The following RPS6KC1 variants were observed in gnomAD, a reference collection of about 807,000 sequenced individuals.
The protein encoded by RPS6KC1 is ribosomal protein S6 kinase C1, also known as inactive ribosomal protein S6 kinase delta-1.
RPS6KC1 carries 54 observed loss-of-function variants against 103.8 expected under a neutral mutation model. The observed-to-expected ratio is 0.52, with a 90% CI of 0.42 to 0.65. The LOEUF is 0.65. Ranked by LOEUF, RPS6KC1 falls within the 30% of genes least tolerant of loss-of-function variation. The pLI is 0.00. For synonymous variants in RPS6KC1, 439 were observed against 438.7 expected (o/e 1.00, Z -0.01); for missense variants, 1,151 against 1,253.8 (o/e 0.92, Z 1.24).
chr1:213,677,177 T>A, the RPS6KC1 span, among the ~76,000 whole-genome samples: 8 of 152,330 alleles, frequency 5.3e-5, no homozygotes, highest in African/African-American at 1.9e-4. Flanking sequence ...GCCTTCTCCA[T>A]CCCTAAGAGC....
At chr1:213,547,459 G>A in the RPS6KC1 span, among the ~76,000 whole-genome samples, 14 of 152,302 alleles carry the variant, frequency 9.2e-5, no homozygotes, top group Admixed American at 3.3e-4. Context: ...ACCATTTGAC[G>A]TTATCTAGCA....
At chr1:213,051,657 G>T (rs980981103) in intron 1 of RPS6KC1, 148 bp downstream of exon 1, 33 of 618,798 alleles carry the variant, frequency 5.3e-5, no homozygotes, top group East Asian at 2.8e-4. Flanking sequence ...GGTGTCGGAG[G>T]TTGGGATTTT....
chr1:213,568,894 G>A, the RPS6KC1 span, among the ~76,000 whole-genome samples: 1 of 152,212 alleles, frequency 6.6e-6, no homozygotes, highest in Non-Finnish European at 1.5e-5. Context: ...GGCAGACTCT[G>A]CAAATTGTCA....
chr1:213,301,889 C>A, the RPS6KC1 span, among the ~76,000 whole-genome samples: 1 of 151,878 alleles, frequency 6.6e-6, no homozygotes, highest in East Asian at 1.9e-4. Flanking sequence ...GTGTGCACCA[C>A]CACCCCCAGC....
At chr1:213,791,561 T>C in the RPS6KC1 span, among the ~76,000 whole-genome samples, 11 of 152,206 alleles carry the variant, frequency 7.2e-5, no homozygotes, top group South Asian at 2.1e-4. Context: ...GTAATGAAAA[T>C]ATAAGACTGC....
intron 6 of RPS6KC1, among the ~76,000 whole-genome samples, chr1:213,136,842 G>A (rs1454074102): frequency 6.6e-6 from 1 of 152,090 alleles, no homozygotes. Context: ...TAACAGTGTT[G>A]AGTGCAAGAG....
chr1:213,725,923 A>C, the RPS6KC1 span, among the ~76,000 whole-genome samples: 6 of 151,968 alleles, frequency 3.9e-5, no homozygotes, highest in Non-Finnish European at 8.8e-5. Flanking sequence ...CTTTTACTTT[A>C]TTGTGTTACA....
the RPS6KC1 span, among the ~76,000 whole-genome samples, chr1:213,761,733 G>A: frequency 6.6e-6 from 1 of 152,170 alleles, no homozygotes; most frequent in South Asian, 2.1e-4. Flanking sequence ...AGTTTTTCAA[G>A]TGTGTAGAAA....
the RPS6KC1 span, among the ~76,000 whole-genome samples, chr1:213,845,137 G>C: frequency 6.6e-6 from 1 of 151,568 alleles, no homozygotes; most frequent in Non-Finnish European, 1.5e-5. Context: ...AAAATAGCTA[G>C]GAATTTAGAG....
the RPS6KC1 span, among the ~76,000 whole-genome samples, chr1:213,416,546 T>C: frequency 2.0e-5 from 3 of 152,108 alleles, no homozygotes; most frequent in Non-Finnish European, 4.4e-5. Context: ...ACTGGGGTGG[T>C]AAGCCGGGGC....
chr1:213,062,054 C>CT (rs566492564), intron 1 of RPS6KC1, among the ~76,000 whole-genome samples: 18 of 151,092 alleles, frequency 1.2e-4, no homozygotes, highest in Non-Finnish European at 2.1e-4. Flanking sequence ...CTTATTTTAT[C>CT]TTTTTTTTTA....
the RPS6KC1 span, among the ~76,000 whole-genome samples, chr1:213,724,664 T>G: frequency 1.3e-5 from 2 of 152,094 alleles, no homozygotes; most frequent in Admixed American, 1.3e-4. Flanking sequence ...CTTTGGGACA[T>G]GAAGGTGGGA....
At chr1:213,560,750 C>T in the RPS6KC1 span, among the ~76,000 whole-genome samples, 1 of 152,260 alleles carries the variant, frequency 6.6e-6, no homozygotes, top group Admixed American at 6.5e-5. Context: ...AACTCCCCCC[C>T]ACCAAATCTC....
intron 4 of RPS6KC1, among the ~76,000 whole-genome samples, chr1:213,109,171 C>G (rs2082769833): frequency 6.6e-6 from 1 of 152,058 alleles, no homozygotes; most frequent in African/African-American, 2.4e-5. Context: ...GGGTCTCGCT[C>G]TGTTGCCCAG....
intron 8 of RPS6KC1, among the ~76,000 whole-genome samples, chr1:213,225,572 A>G (rs1419615913): frequency 6.6e-6 from 1 of 152,238 alleles, no homozygotes; most frequent in East Asian, 1.9e-4. Context: ...TATTTTTAGT[A>G]GAGACGAGGT....
chr1:213,481,847 C>A, the RPS6KC1 span, among the ~76,000 whole-genome samples: 1 of 151,958 alleles, frequency 6.6e-6, no homozygotes, highest in Admixed American at 6.6e-5. Context: ...AATTGTAATC[C>A]GTATTGCAGG....
At chr1:213,736,516 T>G in the RPS6KC1 span, among the ~76,000 whole-genome samples, 1 of 152,096 alleles carries the variant, frequency 6.6e-6, no homozygotes, top group East Asian at 1.9e-4. Context: ...TAACATAGAG[T>G]CTTCATAACC....
the RPS6KC1 span, among the ~76,000 whole-genome samples, chr1:213,604,630 G>A: frequency 2.6e-5 from 4 of 152,164 alleles, no homozygotes; most frequent in Non-Finnish European, 5.9e-5. Context: ...GTATCTCTCT[G>A]TTGCCAGACC....
intron 1 of RPS6KC1, among the ~76,000 whole-genome samples, chr1:213,052,856 A>AAT (rs1311220237): frequency 6.6e-6 from 1 of 152,160 alleles, no homozygotes; most frequent in Non-Finnish European, 1.5e-5. Context: ...AAGAATCTTA[A>AAT]AGGTTAAATA....
Sources: gnomAD v4.1 joint callset for allele counts (sites outside exome capture counted in the v4.1 genomes callset) on GRCh38, gnomAD v4.1.1 for gene constraint, MANE v1.5 for transcripts, NCBI Gene and HGNC (gene_info 2026-07-23, HGNC 2026-07-21) for gene names.